SLC7A9: variants seen among roughly 807,000 people sequenced by gnomAD.
The protein encoded by SLC7A9 is B(0,+)-type amino acid transporter 1.
Under a neutral mutation model 54.1 loss-of-function variants are expected in SLC7A9, and 38 were observed. The ratio of observed to expected loss-of-function variants is 0.70; its 90% CI spans 0.54 to 0.92. The LOEUF (loss-of-function observed/expected upper bound fraction) is 0.92. SLC7A9 is among the 40% of genes least tolerant of loss of function. SLC7A9 has a pLI of 0.00. For synonymous variants in SLC7A9, 264 were observed against 258.9 expected (o/e 1.02, Z -0.19); for missense variants, 537 against 636.1 (o/e 0.84, Z 1.68).
chr19:32,831,363 C>G (rs10417393), intron 12 of SLC7A9: 1 of 151,976 alleles, frequency 6.6e-6, no homozygotes, highest in Non-Finnish European at 1.5e-5. Flanking sequence ...CTTGGCTTAC[C>G]GCAAGCTCCG....
At chr19:32,845,633 A>G (rs1401211873) in intron 9 of SLC7A9, among the ~76,000 whole-genome samples, 1 of 152,202 alleles carries the variant, frequency 6.6e-6, no homozygotes. Flanking sequence ...AAATCTAGAT[A>G]TAATTATGGA....
chr19:32,836,263 G>T (rs1967957269), intron 11 of SLC7A9, among the ~76,000 whole-genome samples: 1 of 151,984 alleles, frequency 6.6e-6, no homozygotes, highest in African/African-American at 2.4e-5. Flanking sequence ...TTGCCAGGCT[G>T]GTCTTGAACT....
intron 10 of SLC7A9, among the ~76,000 whole-genome samples, chr19:32,842,868 A>G (rs1239468858): frequency 1.3e-5 from 2 of 152,136 alleles, no homozygotes; most frequent in Non-Finnish European, 2.9e-5. Flanking sequence ...CCTAATATGT[A>G]TGAATATTAT....
intron 12 of SLC7A9, 54 bp downstream of exon 12, chr19:32,833,095 G>A (rs542933527): frequency 4.0e-5 from 62 of 1,542,076 alleles, no homozygotes; most frequent in Non-Finnish European, 5.5e-5. Flanking sequence ...AGGTGAGGAC[G>A]CCGTGCCTGC....
chr19:32,858,567 C>T lies in SLC7A9; in HGVS notation c.874-24G>A, dbSNP rs373007877. On this transcript the variant is annotated intron_variant, in intron 8 of 12. Coordinates refer to ENST00000023064, the MANE Select transcript of SLC7A9 (RefSeq NM_014270.5). ...GTCTGGTGAGAGAAGCGAGATGAGT[C>T]CTGAGGGTCTTTCTTGGCCTCCAAG... is the stretch of plus-strand genomic sequence containing the variant. 1.2e-4 allele frequency: 186 copies of T among 1,581,278 alleles called. No homozygotes were observed. The African/African-American group carries it at 2.2e-3, about 19-fold the overall frequency.
chr19:32,842,595 T>G (rs1968158634), intron 10 of SLC7A9, among the ~76,000 whole-genome samples: 1 of 143,718 alleles, frequency 7.0e-6, no homozygotes, highest in Non-Finnish European at 1.5e-5. Context: ...TAACTGTGGG[T>G]TTTTTTGTTT....
intron 9 of SLC7A9, among the ~76,000 whole-genome samples, chr19:32,855,869 T>C (rs1968613434): frequency 6.6e-6 from 1 of 152,210 alleles, no homozygotes; most frequent in African/African-American, 2.4e-5. Flanking sequence ...CATTGCACCC[T>C]TGCAATGTAT....
chr19:32,846,903 G>A (rs1382195961), intron 9 of SLC7A9, among the ~76,000 whole-genome samples: 1 of 152,222 alleles, frequency 6.6e-6, no homozygotes, highest in Admixed American at 6.5e-5. Flanking sequence ...TGCAGCCACT[G>A]CTGCTGACAC....
chr19:32,833,056 C>T (rs1242249675), intron 12 of SLC7A9, 93 bp downstream of exon 12: 6 of 1,198,352 alleles, frequency 5.0e-6, no homozygotes, highest in Non-Finnish European at 7.5e-6. Context: ...CAGGGTGAGA[C>T]ACTGTGACAG....
chr19:32,858,768 C>CTATATTTA (rs373392618), intron 8 of SLC7A9, among the ~76,000 whole-genome samples: 1,818 of 148,634 alleles, frequency 0.012, 13 homozygotes, highest in African/African-American at 0.017. Context: ...TGGCATAAAT[C>CTATATTTA]TTTATTTATT....
At chr19:32,840,351 G>A (rs1042083944) in intron 11 of SLC7A9, among the ~76,000 whole-genome samples, 1 of 151,890 alleles carries the variant, frequency 6.6e-6, no homozygotes, top group Admixed American at 6.6e-5. Flanking sequence ...TTTTTGTAGA[G>A]ACAGGGTCTT....
intron 9 of SLC7A9, among the ~76,000 whole-genome samples, chr19:32,852,756 A>G (rs1440810815): frequency 1.3e-5 from 2 of 152,186 alleles, no homozygotes; most frequent in Non-Finnish European, 2.9e-5. Context: ...CCAGAAATTA[A>G]TATAGAAATT....
chr19:32,862,720 C>A, intron 4 of SLC7A9, 134 bp from the exon 5 acceptor site: 1 of 758,288 alleles, frequency 1.3e-6, no homozygotes, highest in Non-Finnish European at 1.9e-6. Context: ...GGCTGGAGAG[C>A]AGTGGCATGA....
chr19:32,855,837 G>A (rs1465144780), intron 9 of SLC7A9, among the ~76,000 whole-genome samples: 3 of 152,186 alleles, frequency 2.0e-5, no homozygotes, highest in Non-Finnish European at 4.4e-5. Flanking sequence ...TTTGCAGTCA[G>A]TTCCTCTCTT....
At position 32,833,314 on chromosome 19, in the gene SLC7A9, C is replaced by CT. The variant is rs754996602; in HGVS notation, c.1233dup (p.Val412SerfsTer76). On this transcript the variant is annotated frameshift_variant, in exon 12 of 13. Transcript: ENST00000023064. LOFTEE classifies it high-confidence loss of function. The stretch of plus-strand genomic sequence containing the variant: ...ATGAGTGTCATCAAGACGGGAATGA[C>CT]TACGGGCACCTGGAGACGAAAAACA... The CT allele has an allele frequency of 6.2e-7, 1 of 1,614,148 alleles. No individual in the cohort carries two copies. Among genetic ancestry groups the CT allele is most frequent in the Non-Finnish European group, 8.5e-7 (1 of 1,180,026 alleles).
chr19:32,862,689 G>A (rs1218520074), intron 4 of SLC7A9, 103 bp from the exon 5 acceptor site: 3 of 967,322 alleles, frequency 3.1e-6, no homozygotes, highest in East Asian at 6.4e-5. Flanking sequence ...TTTTTGAGAT[G>A]GAGTCTCACT....
chr19:32,865,777 C>T (rs1406380248), intron 2 of SLC7A9, among the ~76,000 whole-genome samples: 1 of 152,070 alleles, frequency 6.6e-6, no homozygotes, highest in Non-Finnish European at 1.5e-5. Flanking sequence ...GGGAGACCAG[C>T]CTGGCCAGCA....
At chr19:32,861,988 G>T (rs1413816701) in intron 6 of SLC7A9, 130 bp downstream of exon 6, 4 of 755,348 alleles carry the variant, frequency 5.3e-6, no homozygotes, top group Non-Finnish European at 7.2e-6. Flanking sequence ...AAAAGGAAAT[G>T]TGAGGGTGAA....
At position 32,859,200 on chromosome 19, in the gene SLC7A9, A is replaced by G. The variant is rs555535114; in HGVS notation, c.873+641T>C. 5.6e-4 allele frequency among the ~76,000 whole-genome samples: 85 copies of G among 152,154 alleles called. No individual in the cohort carries two copies. In the South Asian group the frequency reaches 9.5e-3, roughly 17 times the overall value. On this transcript the variant is annotated intron_variant, in intron 8 of 12. Coordinates refer to ENST00000023064, the MANE Select transcript of SLC7A9 (RefSeq NM_014270.5). ...CTGTAGCCTCAATCTCCTGGGCTCA[A>G]GTGATCCTTGCCTCAGTCTTCTAAG...
Sources: gnomAD v4.1 joint callset for allele counts (sites outside exome capture counted in the v4.1 genomes callset) on GRCh38, gnomAD v4.1.1 for gene constraint, MANE v1.5 for transcripts, NCBI Gene and HGNC (gene_info 2026-07-23, HGNC 2026-07-21) for gene names.